GRIK3: variants seen among roughly 807,000 people sequenced by gnomAD.
The protein encoded by GRIK3 is glutamate receptor ionotropic, kainate 3.
A neutral mutation model predicts 102.5 loss-of-function variants in GRIK3; 29 were observed. The ratio of observed to expected loss-of-function variants is 0.28; its 90% CI spans 0.21 to 0.39. The LOEUF (loss-of-function observed/expected upper bound fraction) is 0.39. GRIK3 is among the 10% of genes least tolerant of loss of function. The pLI is 1.00. For missense variants in GRIK3, 908 were observed against 1,252.4 expected, an observed-to-expected ratio of 0.73 and a Z score of 4.15; for synonymous variants, 511 against 504.9, an observed-to-expected ratio of 1.01 and a Z score of -0.16.
chr1:36,947,234 A>T (rs375371278), intron 1 of GRIK3, among the ~76,000 whole-genome samples: 1 of 151,722 alleles, frequency 6.6e-6, no homozygotes, highest in East Asian at 1.9e-4. Flanking sequence ...CCTTTGTTTC[A>T]TCCTCCTTCA....
intron 1 of GRIK3, among the ~76,000 whole-genome samples, chr1:36,951,863 G>T (rs1011356222): frequency 6.6e-6 from 1 of 152,066 alleles, no homozygotes; most frequent in Admixed American, 6.5e-5. Flanking sequence ...GGGCGGAGGG[G>T]CGGGAGGACC....
chr1:36,822,517 A>T (rs1395332131), intron 11 of GRIK3, among the ~76,000 whole-genome samples: 4 of 152,192 alleles, frequency 2.6e-5, no homozygotes, highest in African/African-American at 4.8e-5. Context: ...GGAAGGTGTC[A>T]TCTGGAGTTA....
chr1:36,940,064 T>C (rs1429499675), intron 1 of GRIK3, among the ~76,000 whole-genome samples: 1 of 152,144 alleles, frequency 6.6e-6, no homozygotes, highest in Non-Finnish European at 1.5e-5. Context: ...GGGACTTCCA[T>C]GACAGGTGGG....
At chr1:36,974,053 G>C (rs2124360446) in intron 1 of GRIK3, among the ~76,000 whole-genome samples, 1 of 152,244 alleles carries the variant, frequency 6.6e-6, no homozygotes, top group East Asian at 1.9e-4. Context: ...GGCCTTCATG[G>C]GATTGAGGCC....
intron 7 of GRIK3, among the ~76,000 whole-genome samples, chr1:36,857,808 T>C (rs1162225587): frequency 6.6e-6 from 1 of 152,204 alleles, no homozygotes; most frequent in Non-Finnish European, 1.5e-5. Context: ...TCTCTGCTGT[T>C]TGCTCTCGTA....
At chr1:36,999,601 C>T (rs1206871859) in intron 1 of GRIK3, among the ~76,000 whole-genome samples, 2 of 152,084 alleles carry the variant, frequency 1.3e-5, no homozygotes, top group African/African-American at 4.8e-5. Context: ...CCTTCAGCCC[C>T]CTCCCCTAGA....
At chr1:36,831,643 C>T (rs1035944746) in intron 10 of GRIK3, among the ~76,000 whole-genome samples, 3 of 152,196 alleles carry the variant, frequency 2.0e-5, no homozygotes, top group African/African-American at 7.2e-5. Context: ...TCCAACAGAG[C>T]TTCCTGCAAC....
intron 10 of GRIK3, among the ~76,000 whole-genome samples, chr1:36,836,839 T>C (rs146590149): frequency 6.6e-6 from 1 of 152,280 alleles, no homozygotes; most frequent in Non-Finnish European, 1.5e-5. Flanking sequence ...GACAGAATTC[T>C]GGGTCTCCGA....
chr1:36,995,837 C>T (rs1040204253), intron 1 of GRIK3, among the ~76,000 whole-genome samples: 14 of 152,218 alleles, frequency 9.2e-5, no homozygotes, highest in African/African-American at 3.4e-4. Context: ...CCAGACCTCA[C>T]AAACAGAGCT....
intron 1 of GRIK3, among the ~76,000 whole-genome samples, chr1:36,971,784 GCA>G (rs1286196160): frequency 6.6e-6 from 1 of 152,104 alleles, no homozygotes; most frequent in Non-Finnish European, 1.5e-5. Context: ...CTCCTCTCCA[GCA>G]CAGTCATCAG....
chr1:36,981,827 A>G (rs1257672450), intron 1 of GRIK3, among the ~76,000 whole-genome samples: 2 of 152,224 alleles, frequency 1.3e-5, no homozygotes, highest in Non-Finnish European at 2.9e-5. Context: ...CATTGCAGAT[A>G]GGACAGCCTG....
chr1:36,886,170 A>T (rs1641034825), intron 2 of GRIK3, among the ~76,000 whole-genome samples: 1 of 152,160 alleles, frequency 6.6e-6, no homozygotes, highest in Non-Finnish European at 1.5e-5. Context: ...AATAAGAGAA[A>T]GTCCATTTTA....
chr1:36,873,383 C>T (rs1570772849), intron 3 of GRIK3, among the ~76,000 whole-genome samples: 1 of 152,186 alleles, frequency 6.6e-6, no homozygotes, highest in Admixed American at 6.5e-5. Context: ...AAATGGCTTA[C>T]TTAGGTCTAA....
At chr1:36,832,902 GC>G (rs1444935594) in intron 10 of GRIK3, among the ~76,000 whole-genome samples, 5 of 152,196 alleles carry the variant, frequency 3.3e-5, no homozygotes, top group African/African-American at 1.2e-4. Flanking sequence ...AAGGCAGTGG[GC>G]CCCCCTGCCC....
At position 36,798,425 on chromosome 1, in the gene GRIK3, C is replaced by G. The variant is rs1642393962; in HGVS notation, c.*3426G>C. On this transcript the variant is annotated 3_prime_UTR_variant, in exon 16 of 16. Coordinates refer to ENST00000373091, the MANE Select transcript of GRIK3 (RefSeq NM_000831.4). ...CCATCCAAGCAAGCTTTCATGCTTCCCATCACCTCTCAGTGCCTGCGTGTG... is the reference window on the plus strand; with the variant it reads ...CCATCCAAGCAAGCTTTCATGCTTCGCATCACCTCTCAGTGCCTGCGTGTG... 1 of 152,450 alleles carries G rather than the reference C, an allele frequency of 6.6e-6. No homozygotes were observed. Among genetic ancestry groups the G allele is most frequent in the Non-Finnish European group, 1.5e-5 (1 of 68,204 alleles). The allele number at this position is 152,450 out of a possible 1,614,324, so 9.4% of individuals were successfully genotyped here. A position where few individuals can be genotyped will look rare whatever the true frequency, so the allele number is the denominator to read the frequency against.
intron 1 of GRIK3, among the ~76,000 whole-genome samples, chr1:36,948,496 T>C (rs1170047574): frequency 2.6e-5 from 4 of 152,276 alleles, no homozygotes; most frequent in African/African-American, 9.6e-5. Flanking sequence ...TGCTAGGTCC[T>C]GAACAAGGCA....
intron 5 of GRIK3, among the ~76,000 whole-genome samples, chr1:36,867,456 C>G (rs552093201): frequency 1.3e-5 from 2 of 152,264 alleles, no homozygotes; most frequent in Admixed American, 1.3e-4. Flanking sequence ...TCCCATATAG[C>G]TAAATGCTCC....
chr1:36,874,263 A>G (rs920335167), intron 3 of GRIK3, among the ~76,000 whole-genome samples: 21 of 152,224 alleles, frequency 1.4e-4, no homozygotes, highest in Admixed American at 1.0e-3. Flanking sequence ...AGGGCTGGAC[A>G]TCAGGAAAGC....
chr1:36,968,806 CAGA>C, intron 1 of GRIK3, among the ~76,000 whole-genome samples: 1 of 152,364 alleles, frequency 6.6e-6, no homozygotes, highest in Non-Finnish European at 1.5e-5. Flanking sequence ...GTCTCAGGAG[CAGA>C]TGTGCCTGTC....
Sources: gnomAD v4.1 joint callset for allele counts (sites outside exome capture counted in the v4.1 genomes callset) on GRCh38, gnomAD v4.1.1 for gene constraint, MANE v1.5 for transcripts, NCBI Gene and HGNC (gene_info 2026-07-23, HGNC 2026-07-21) for gene names.